SLX4IP: variants seen among roughly 807,000 people sequenced by gnomAD.
The protein encoded by SLX4IP is protein SLX4IP.
Under a neutral mutation model 32.9 loss-of-function variants are expected in SLX4IP, and 34 were observed. That is an observed-to-expected ratio of 1.03 (90% CI 0.79 to 1.38). SLX4IP has a LOEUF of 1.38. SLX4IP is among the 40% of genes most tolerant of loss of function. SLX4IP has a pLI of 0.00. For synonymous variants in SLX4IP, 172 were observed against 171.7 expected (o/e 1.00, Z -0.01); for missense variants, 444 against 479.0 (o/e 0.93, Z 0.68).
chr20:10,437,012 A>C (rs1343109254), intron 1 of SLX4IP, among the ~76,000 whole-genome samples: 1 of 151,954 alleles, frequency 6.6e-6, no homozygotes, highest in Non-Finnish European at 1.5e-5. Flanking sequence ...AGTTGAACTC[A>C]AAAGTTTGCA....
In SLX4IP at chr20:10,594,180, T is replaced by C. The variant is rs1042832899; in HGVS notation, c.239-4495T>C. Among the ~76,000 whole-genome samples the C allele has an allele frequency of 2.6e-5, 4 of 152,338 alleles. No individual in the cohort carries two copies. In the East Asian group the frequency reaches 7.7e-4, roughly 29 times the overall value. On this transcript the variant is annotated intron_variant, in intron 4 of 7. Coordinates refer to ENST00000334534, the MANE Select transcript of SLX4IP (RefSeq NM_001009608.3). ...GGTTTTGGGATGTTCATGACATTAT[T>C]TTTCTACTTTTCTGAATGTTTGAAA... is the stretch of plus-strand genomic sequence containing the variant.
Position 10,605,233 on chromosome 20 carries a change from CCTT to C in SLX4IP, c.405+3417_405+3419del, listed in dbSNP as rs539813612. ...TCATTGTGTGTTAGTTACAGCCACT[CCTT>C]CTAGTCTCTGGAGATCAGCCTTCCC... On this transcript the variant is annotated intron_variant, in intron 6 of 7. Transcript: ENST00000334534. Among the ~76,000 whole-genome samples, 742 of 152,272 alleles carry C rather than the reference CCTT, an allele frequency of 4.9e-3. 3 individuals carry two copies. Among genetic ancestry groups the C allele is most frequent in the African/African-American group, 0.017 (699 of 41,540 alleles).
chr20:10,539,870 T>TC (rs2066084037), intron 2 of SLX4IP, among the ~76,000 whole-genome samples: 1 of 152,170 alleles, frequency 6.6e-6, no homozygotes, highest in East Asian at 1.9e-4. Context: ...TTTTAAAAGC[T>TC]CCCCAAGTGA....
intron 2 of SLX4IP, among the ~76,000 whole-genome samples, chr20:10,540,116 C>CTTCCTTCT (rs2066088731): frequency 6.9e-6 from 1 of 144,968 alleles, no homozygotes; most frequent in East Asian, 2.0e-4. Flanking sequence ...TCCTTCCTTC[C>CTTCCTTCT]TTCCTTCCTT....
At chr20:10,524,199 G>A (rs2065923604) in intron 2 of SLX4IP, among the ~76,000 whole-genome samples, 1 of 152,252 alleles carries the variant, frequency 6.6e-6, no homozygotes, top group Non-Finnish European at 1.5e-5. Flanking sequence ...GACTGGCTGT[G>A]TCCGTTTGGG....
At chr20:10,539,160 G>A (rs1199690792) in intron 2 of SLX4IP, among the ~76,000 whole-genome samples, 1 of 152,118 alleles carries the variant, frequency 6.6e-6, no homozygotes, top group East Asian at 1.9e-4. Context: ...ATGAAGGAAG[G>A]GTACAGGCAG....
At chr20:10,584,258 G>A (rs539427453) in intron 4 of SLX4IP, among the ~76,000 whole-genome samples, 1 of 152,286 alleles carries the variant, frequency 6.6e-6, no homozygotes, top group African/African-American at 2.4e-5. Flanking sequence ...GAGCTAATAT[G>A]CATTGCCTTC....
chr20:10,533,294 A>G (rs2066005111), intron 2 of SLX4IP, among the ~76,000 whole-genome samples: 1 of 152,054 alleles, frequency 6.6e-6, no homozygotes, highest in South Asian at 2.1e-4. Context: ...ATCTTATATG[A>G]AACATCTCTT....
At chr20:10,615,435 T>C (rs1328005431) in intron 6 of SLX4IP, among the ~76,000 whole-genome samples, 1 of 152,204 alleles carries the variant, frequency 6.6e-6, no homozygotes, top group Non-Finnish European at 1.5e-5. Flanking sequence ...CATAGTCTCT[T>C]TTCCTGAATC....
At chr20:10,474,059 A>G (rs2122367698) in intron 2 of SLX4IP, among the ~76,000 whole-genome samples, 1 of 152,128 alleles carries the variant, frequency 6.6e-6, no homozygotes. Flanking sequence ...CTGACCTCAG[A>G]TGACCCACCT....
intron 2 of SLX4IP, among the ~76,000 whole-genome samples, chr20:10,543,049 A>T (rs1301468063): frequency 1.3e-5 from 2 of 152,188 alleles, no homozygotes. Context: ...TTAACTGGTT[A>T]TGAACCCACC....
chr20:10,621,168 A>T (rs1362969121), intron 6 of SLX4IP, 146 bp from the exon 7 acceptor site: 2 of 684,310 alleles, frequency 2.9e-6, no homozygotes, highest in Non-Finnish European at 5.0e-6. Context: ...TCCTAGGTAA[A>T]AAAGGTTAAA....
intron 4 of SLX4IP, among the ~76,000 whole-genome samples, chr20:10,592,622 CTTTTTTTTTTTTTTT>C (rs33995611): frequency 3.6e-5 from 2 of 55,136 alleles, no homozygotes; most frequent in Non-Finnish European, 6.0e-5. Flanking sequence ...TATTCTTCAT[CTTTTTTTTTTTTTTT>C]TTTTTTTTTT....
chr20:10,438,463 G>GGT (rs1244086375), intron 1 of SLX4IP, among the ~76,000 whole-genome samples: 7 of 149,918 alleles, frequency 4.7e-5, no homozygotes, highest in South Asian at 2.1e-4. Context: ...GCATTTCCTA[G>GGT]GTGTGTGTGT....
At chr20:10,552,411 T>C (rs1424424926) in intron 2 of SLX4IP, among the ~76,000 whole-genome samples, 2 of 151,922 alleles carry the variant, frequency 1.3e-5, no homozygotes, top group Non-Finnish European at 2.9e-5. Flanking sequence ...TTTTTTTCTT[T>C]TTTTTTTTCA....
chr20:10,530,042 G>C (rs1289201220), intron 2 of SLX4IP, among the ~76,000 whole-genome samples: 1 of 152,162 alleles, frequency 6.6e-6, no homozygotes, highest in Admixed American at 6.5e-5. Context: ...ACAGAGAATG[G>C]TGGTTCCCAA....
chr20:10,548,455 G>T (rs1472455392), intron 2 of SLX4IP, among the ~76,000 whole-genome samples: 2 of 152,124 alleles, frequency 1.3e-5, no homozygotes, highest in Non-Finnish European at 2.9e-5. Flanking sequence ...TAGCCAGGAT[G>T]GTCTCAATCT....
intron 1 of SLX4IP, among the ~76,000 whole-genome samples, chr20:10,457,247 A>T (rs1291077577): frequency 6.6e-6 from 1 of 152,094 alleles, no homozygotes; most frequent in African/African-American, 2.4e-5. Flanking sequence ...TAGTACAATG[A>T]TGAAAAGAAG....
intron 2 of SLX4IP, among the ~76,000 whole-genome samples, chr20:10,513,157 G>A (rs1029047601): frequency 4.6e-5 from 7 of 152,054 alleles, no homozygotes; most frequent in African/African-American, 1.7e-4. Flanking sequence ...TACTTTTTGG[G>A]AGTAGTGCCT....
Sources: gnomAD v4.1 joint callset for allele counts (sites outside exome capture counted in the v4.1 genomes callset) on GRCh38, gnomAD v4.1.1 for gene constraint, MANE v1.5 for transcripts, NCBI Gene and HGNC (gene_info 2026-07-23, HGNC 2026-07-21) for gene names.